MAP1S: variants seen among roughly 807,000 people sequenced by gnomAD.
MAP1S encodes the protein microtubule associated protein 1S.
In MAP1S, 27 loss-of-function variants were observed where a neutral mutation model predicts 60.9. That is an observed-to-expected ratio of 0.44 (90% confidence interval 0.33 to 0.61). MAP1S has a LOEUF of 0.61. Among genes scored for constraint, MAP1S ranks in the 20% least tolerant of loss-of-function variants. The pLI is 0.03. For synonymous variants in MAP1S, 826 were observed against 694.2 expected (o/e 1.19, Z -2.98); for missense variants, 1,608 against 1,486.6 (o/e 1.08, Z -1.34).
chr19:17,725,316 AG>A lies in MAP1S; in HGVS notation c.444+128del, dbSNP rs2080407996. The A allele has an allele frequency of 8.7e-7, 1 of 1,149,190 alleles. No individual in the cohort carries two copies. Among genetic ancestry groups the A allele is most frequent in the Admixed American group, 2.7e-5 (1 of 37,476 alleles). 71.2% of individuals were successfully genotyped at this position (1,149,190 alleles called of 1,614,324 possible). A position where few individuals can be genotyped will look rare whatever the true frequency, so the allele number is the denominator to read the frequency against. On this transcript the variant is annotated intron_variant, in intron 4 of 6. Coordinates refer to ENST00000324096, the MANE Select transcript of MAP1S (RefSeq NM_018174.6). This position sits in a 1 kb window ranked among gnomAD's most constrained non-coding sequence, Gnocchi z 4.2. ...GTCTCCCCATCCTCTGTAGGATGGC[AG>A]TGGTGACACATGCCTCCTGGCTGTC...
At chr19:17,720,288 G>T in intron 1 of MAP1S, 4 of 1,426,852 alleles carry the variant, frequency 2.8e-6, no homozygotes, top group Non-Finnish European at 3.7e-6. Flanking sequence ...GCGTTTCATT[G>T]CATGTAAAAT....
chr19:17,726,405 G>A lies in MAP1S; in HGVS notation c.1021G>A (p.Ala341Thr), dbSNP rs747462506. 11 of 1,578,766 alleles carry A rather than the reference G, an allele frequency of 7.0e-6. No individual in the cohort carries two copies. Among genetic ancestry groups the A allele is most frequent in the East Asian group, 2.3e-5 (1 of 43,940 alleles). Residue 341 changes from alanine to threonine, a missense_variant, in exon 5 of 7, where the codon GCC becomes ACC. Ala to Thr is a moderately conservative substitution (Grantham distance 58, BLOSUM62 0). Transcript: ENST00000324096. ...CAACCTGGGGGTCGTGTTCTTCAAC[G>A]CCTGCGAGGCCGCGTCGCGGCTGGC... is the stretch of plus-strand genomic sequence containing the variant. ...SPNLGVVFFN[A>T]CEAASRLARG... is the part of the protein sequence containing the mutation.
In MAP1S at chr19:17,733,241, C is replaced by T. The variant is rs1482319568; in HGVS notation, c.2837C>T (p.Pro946Leu). 7.1e-6 allele frequency: 11 copies of T among 1,551,596 alleles called. No individual in the cohort carries two copies. The highest frequency in any genetic ancestry group is 4.1e-5 in the African/African-American group (3 of 73,090). The change falls in exon 6 of 7, where the codon CCG becomes CTG. Residue 946 changes from proline (P) to leucine (L), a missense_variant. By Grantham distance (98) the Pro-to-Leu change is moderately conservative. Transcript: ENST00000324096. ...PGVSATPPKS[P>L]VYLDLAYLPS... is the part of the protein sequence containing the mutation. ...GTGTCAGCCACCCCACCCAAGTCCC[C>T]GGTCTACCTGGACCTGGCCTACCTG...
In MAP1S at chr19:17,725,165, C is replaced by T. The variant is rs780401305; in HGVS notation, c.420C>T (p.Phe140=). 2 of 1,613,708 alleles carry T rather than the reference C, an allele frequency of 1.2e-6. No homozygotes were observed. The highest frequency in any genetic ancestry group is 1.7e-6 in the Non-Finnish European group (2 of 1,179,788). ...LQTGGFSPHH[F]LQVLKDREIR... ...CAGGGGGCTTCTCGCCTCACCACTT[C>T]CTCCAGGTCCTGAAGGACAGAGAGG... Residue 140 remains phenylalanine (F), a synonymous_variant, in exon 4 of 7, where the codon TTC becomes TTT. Coordinates refer to ENST00000324096, the MANE Select transcript of MAP1S (RefSeq NM_018174.6). This position sits in a 1 kb window ranked among gnomAD's most constrained non-coding sequence, Gnocchi z 4.2.
intron 1 of MAP1S, chr19:17,720,240 G>A (rs2080358429): frequency 3.6e-6 from 5 of 1,387,866 alleles, no homozygotes; most frequent in South Asian, 3.2e-5. Context: ...GGGTGGAGAT[G>A]GGTGTTCATC....
At chr19:17,720,266 C>T in intron 1 of MAP1S, 6 of 1,405,426 alleles carry the variant, frequency 4.3e-6, no homozygotes, top group Non-Finnish European at 5.6e-6. Flanking sequence ...TCCCTCGGAG[C>T]ATCTGGACCT....
chr19:17,728,372 C>G (rs1211585593), intron 5 of MAP1S, among the ~76,000 whole-genome samples, 200 bp downstream of exon 5: 1 of 152,204 alleles, frequency 6.6e-6, no homozygotes, highest in Non-Finnish European at 1.5e-5. Context: ...ACCTCAGCCT[C>G]TCCAGTAGCT....
chr19:17,727,058 G>T lies in MAP1S; in HGVS notation c.1674G>T (p.Ala558=), dbSNP rs780978936. Reference sequence around the variant, plus strand: ...ACCTCAAGAAGACGAATGCCCAGGCGGCACCCAAGCCCCGCAAAGCGCCCA... The same window carrying T: ...ACCTCAAGAAGACGAATGCCCAGGCTGCACCCAAGCCCCGCAAAGCGCCCA... The part of the protein sequence containing the change: ...VPNLKKTNAQ[A]APKPRKAPST... The change falls in exon 5 of 7, where the codon GCG becomes GCT. Residue 558 remains alanine (A), a synonymous_variant. Coordinates refer to ENST00000324096, the MANE Select transcript of MAP1S (RefSeq NM_018174.6). The surrounding 1 kb of genome is among the most constrained non-coding windows in gnomAD (Gnocchi z 4.1). The T allele has an allele frequency of 6.2e-6, 10 of 1,606,110 alleles. No homozygotes were observed. The South Asian group carries it at 1.1e-4, about 18-fold the overall frequency.
rs756780612 is a variant in MAP1S, at chr19:17,727,009, G to A, written c.1625G>A (p.Arg542His). The A allele has an allele frequency of 2.2e-5, 35 of 1,583,008 alleles. No homozygotes were observed. Among genetic ancestry groups the A allele is most frequent in the South Asian group, 4.6e-5 (4 of 87,002 alleles). ...TCCCGGACCCAGCCGCGGGAGGTGC[G>A]CCGGGCAGCCTCTTCTGTGCCCAAC... ...SVSRTQPREVRRAASSVPNLK... is the reference protein window; with the variant it reads ...SVSRTQPREVHRAASSVPNLK... Residue 542 changes from arginine to histidine, a missense_variant, in exon 5 of 7, where the codon CGC (arginine) becomes CAC (histidine). By Grantham distance (29) the Arg-to-His change is conservative. This residue lies in a region of MAP1S where 1,167 missense variants were observed against 961.4 expected (regional missense o/e 1.21). Coordinates refer to ENST00000324096, the MANE Select transcript of MAP1S (RefSeq NM_018174.6). The surrounding 1 kb of genome is among the most constrained non-coding windows in gnomAD (Gnocchi z 4.1).
At chr19:17,720,174 C>G in intron 1 of MAP1S, 1 of 1,339,588 alleles carries the variant, frequency 7.5e-7, no homozygotes, top group Non-Finnish European at 9.5e-7. Context: ...GGCGCACCTG[C>G]CAGGTTCACC....
rs557744552 is a variant in MAP1S, at chr19:17,730,434, C to T, written c.2788+2262C>T. Among the ~76,000 whole-genome samples the T allele has an allele frequency of 5.9e-5, 9 of 152,304 alleles. No individual in the cohort carries two copies. The South Asian group carries it at 1.9e-3, about 32-fold the overall frequency. ...GCTCAAGTGATCCTCCCAGCTCAGC[C>T]TCCCAAGTAGCTGGGACTACACAGG... On this transcript the variant is annotated intron_variant, in intron 5 of 6. Transcript: ENST00000324096.
At position 17,727,999 on chromosome 19, in the gene MAP1S, G is replaced by T; in HGVS notation, c.2615G>T (p.Arg872Leu). 2 of 1,611,036 alleles carry T rather than the reference G, an allele frequency of 1.2e-6. No individual in the cohort carries two copies. The highest frequency in any genetic ancestry group is 1.7e-5 in the Admixed American group (1 of 59,698). The change falls in exon 5 of 7, where the codon CGC (arginine) becomes CTC (leucine). Residue 872 changes from arginine (R) to leucine (L), a missense_variant. Around this residue, in one of 4 missense-constraint regions of MAP1S, gnomAD observed 1,167 missense variants for 961.4 expected, o/e 1.21. Coordinates refer to ENST00000324096, the MANE Select transcript of MAP1S (RefSeq NM_018174.6). The surrounding 1 kb of genome is among the most constrained non-coding windows in gnomAD (Gnocchi z 4.1). ...AAGCCCCTGGCCCGCCCCAACTCAC[G>T]CGCTGCCGCCCCCAAAGCCACTCCA... Reference protein sequence around the residue: ...TRKPLARPNSRAAAPKATPVA... With the variant: ...TRKPLARPNSLAAAPKATPVA...
intron 2 of MAP1S, chr19:17,721,325 A>G (rs1236294616): frequency 1.4e-5 from 6 of 416,946 alleles, no homozygotes; most frequent in South Asian, 1.0e-4. Context: ...AGAAACTGCT[A>G]TGACTGGTGT....
chr19:17,722,482 C>T (rs1266571479), intron 2 of MAP1S, among the ~76,000 whole-genome samples: 1 of 98,742 alleles, frequency 1.0e-5, no homozygotes, highest in Admixed American at 9.5e-5. Context: ...GACATGGTGG[C>T]TCACACCTAT....
In MAP1S at chr19:17,725,886, A is replaced by C. The variant is rs1460843071; in HGVS notation, c.502A>C (p.Thr168Pro). 6.2e-7 allele frequency: 1 copy of C among 1,613,270 alleles called. No homozygotes were observed. The highest frequency in any genetic ancestry group is 1.3e-5 in the African/African-American group (1 of 74,810). ...PPVQPPILTITCPTFGDWAQL... is the reference protein window; with the variant it reads ...PPVQPPILTIPCPTFGDWAQL... ...TGTGCAGCCGCCCATACTCACCATC[A>C]CCTGCCCCACCTTCGGTGACTGGGC... Residue 168 changes from threonine to proline, a missense_variant, in exon 5 of 7, where the codon ACC becomes CCC. Transcript: ENST00000324096. This position sits in a 1 kb window ranked among gnomAD's most constrained non-coding sequence, Gnocchi z 4.2.
chr19:17,730,036 G>A (rs886526375), intron 5 of MAP1S, among the ~76,000 whole-genome samples: 3 of 151,764 alleles, frequency 2.0e-5, no homozygotes, highest in African/African-American at 7.3e-5. Context: ...TTGAACTCCT[G>A]AACTCAAGTG....
At chr19:17,733,492 C>A in intron 6 of MAP1S, 64 bp downstream of exon 6, 1 of 1,338,568 alleles carries the variant, frequency 7.5e-7, no homozygotes, top group Non-Finnish European at 1.0e-6. Context: ...AAACCACCCT[C>A]GACCCTCAGA....
At position 17,725,083 on chromosome 19, in the gene MAP1S, A is replaced by G; in HGVS notation, c.338A>G (p.Lys113Arg). 2.5e-6 allele frequency: 4 copies of G among 1,614,072 alleles called. No homozygotes were observed. The highest frequency in any genetic ancestry group is 2.2e-5 in the East Asian group (1 of 44,878). ...CTTCTGTTGGACCCTGCCTCTCACA[A>G]GCTACTGGTGTTGGCTGGGCCCTGC... is the stretch of plus-strand genomic sequence containing the variant. ...RNLLLDPASHKLLVLAGPCLE... is the reference protein window; with the variant it reads ...RNLLLDPASHRLLVLAGPCLE... The change falls in exon 4 of 7, where the codon AAG (lysine) becomes AGG (arginine). Residue 113 changes from lysine (K) to arginine (R), a missense_variant. Physicochemically the swap from Lys to Arg is conservative, Grantham distance 26 (BLOSUM62 2). This residue lies in a region of MAP1S where 320 missense variants were observed against 393.1 expected (regional missense o/e 0.81). Coordinates refer to ENST00000324096, the MANE Select transcript of MAP1S (RefSeq NM_018174.6). This position sits in a 1 kb window ranked among gnomAD's most constrained non-coding sequence, Gnocchi z 4.2.
Position 17,719,608 on chromosome 19 carries a change from G to A in MAP1S, c.106G>A (p.Glu36Lys). Reference sequence around the variant, plus strand: ...GGGGCTCCTCACCTACGTCCTGGAGGAGCTCGAAAGAGGTCGGGCTGGCCT... The same window carrying A: ...GGGGCTCCTCACCTACGTCCTGGAGAAGCTCGAAAGAGGTCGGGCTGGCCT... ...SPGLLTYVLE[E>K]LERGIRSWDV... Residue 36 changes from glutamate to lysine, a missense_variant, in exon 1 of 7, where the codon GAG becomes AAG. This residue lies in a region of MAP1S where 320 missense variants were observed against 393.1 expected (regional missense o/e 0.81). Coordinates refer to ENST00000324096, the MANE Select transcript of MAP1S (RefSeq NM_018174.6). 2 of 1,243,354 alleles carry A rather than the reference G, an allele frequency of 1.6e-6. No homozygotes were observed. The highest frequency in any genetic ancestry group is 2.0e-6 in the Non-Finnish European group (2 of 986,022). The allele number at this position is 1,243,354 out of a possible 1,614,324, so 77.0% of individuals were successfully genotyped here. A position where few individuals can be genotyped will look rare whatever the true frequency, so the allele number is the denominator to read the frequency against.
Sources: gnomAD v4.1 joint callset for allele counts (sites outside exome capture counted in the v4.1 genomes callset) on GRCh38, gnomAD v4.1.1 for gene constraint, gnomAD v4.1.1 regional missense constraint, Gnocchi (gnomAD v3.1) non-coding constraint, MANE v1.5 for transcripts, NCBI Gene and HGNC (gene_info 2026-07-23, HGNC 2026-07-21) for gene names.